Variants in ITPR2 observed in about 807,000 individuals in gnomAD.
ITPR2 encodes inositol 1,4,5-trisphosphate-gated calcium channel ITPR2.
In ITPR2, 207 loss-of-function variants were observed where a neutral mutation model predicts 317.1. The observed-to-expected ratio is 0.65, with a 90% confidence interval of 0.58 to 0.73. ITPR2 has a LOEUF of 0.73. Among genes scored for constraint, ITPR2 ranks in the 30% least tolerant of loss-of-function variants. The pLI is 0.00. For missense variants in ITPR2, 2,613 were observed against 3,284.0 expected (o/e 0.80, Z 4.99); for synonymous variants, 1,156 against 1,149.1 (o/e 1.01, Z -0.12).
At chr12:26,382,104 T>C (rs1021622870) in intron 55 of ITPR2, among the ~76,000 whole-genome samples, 1 of 152,224 alleles carries the variant, frequency 6.6e-6, no homozygotes, top group Non-Finnish European at 1.5e-5. Context: ...CAGTATGGGA[T>C]GGAGGATTTA....
intron 45 of ITPR2, among the ~76,000 whole-genome samples, chr12:26,447,814 A>C (rs990428695): frequency 4.6e-5 from 7 of 152,038 alleles, no homozygotes; most frequent in African/African-American, 1.7e-4. Flanking sequence ...TGTCTTAGAG[A>C]CCAATTAACA....
intron 2 of ITPR2, among the ~76,000 whole-genome samples, chr12:26,749,739 TA>T (rs1350897915): frequency 6.6e-6 from 1 of 152,226 alleles, no homozygotes; most frequent in African/African-American, 2.4e-5. Context: ...GTCCCCTATC[TA>T]TGACTTCCTA....
At chr12:26,339,808 G>T (rs1938045395) in intron 56 of ITPR2, among the ~76,000 whole-genome samples, 1 of 152,112 alleles carries the variant, frequency 6.6e-6, no homozygotes, top group Non-Finnish European at 1.5e-5. Context: ...TGATAAAGGG[G>T]TTCATTATAG....
chr12:26,552,740 T>C (rs539319189), intron 36 of ITPR2, among the ~76,000 whole-genome samples: 1 of 152,218 alleles, frequency 6.6e-6, no homozygotes, highest in African/African-American at 2.4e-5. Flanking sequence ...GGATACATAG[T>C]AGGCATATAC....
chr12:26,475,924 G>A (rs189122982), intron 44 of ITPR2, among the ~76,000 whole-genome samples: 234 of 152,308 alleles, frequency 1.5e-3, no homozygotes, highest in African/African-American at 5.4e-3. Context: ...AGCAAGAGGT[G>A]GAGGGTGGGC....
At chr12:26,808,649 C>A (rs1178245730) in intron 1 of ITPR2, among the ~76,000 whole-genome samples, 2 of 152,114 alleles carry the variant, frequency 1.3e-5, no homozygotes, top group Admixed American at 1.3e-4. Flanking sequence ...TGAAGACCCT[C>A]AAATATATGT....
At chr12:26,436,995 C>T (rs533793452) in intron 47 of ITPR2, among the ~76,000 whole-genome samples, 8 of 152,158 alleles carry the variant, frequency 5.3e-5, no homozygotes, top group African/African-American at 1.9e-4. Flanking sequence ...AAGTGGAACA[C>T]GCTTTGCTGC....
chr12:26,568,779 GACAGAGAATGGC>G (rs1422994048), intron 34 of ITPR2, among the ~76,000 whole-genome samples: 3 of 152,130 alleles, frequency 2.0e-5, no homozygotes, highest in Non-Finnish European at 4.4e-5. Context: ...GAATGGCAGG[GACAGAGAATGGC>G]ACATTTCCTG....
chr12:26,406,887 T>C (rs777811709), intron 52 of ITPR2, among the ~76,000 whole-genome samples: 1 of 152,136 alleles, frequency 6.6e-6, no homozygotes, highest in African/African-American at 2.4e-5. Context: ...ATACAAAAAG[T>C]GTATGGAAGA....
chr12:26,390,369 T>C (rs927827317), intron 54 of ITPR2, among the ~76,000 whole-genome samples: 1 of 152,204 alleles, frequency 6.6e-6, no homozygotes, highest in African/African-American at 2.4e-5. Flanking sequence ...TGTCAATTAA[T>C]TGATGAAAGG....
chr12:26,736,402 A>G (rs1402806045), intron 2 of ITPR2, among the ~76,000 whole-genome samples: 2 of 152,178 alleles, frequency 1.3e-5, no homozygotes, highest in Non-Finnish European at 2.9e-5. Context: ...TTTTTTTTAA[A>G]TCCAAACATC....
chr12:26,744,593 A>G (rs1949288327), intron 2 of ITPR2, among the ~76,000 whole-genome samples: 1 of 152,242 alleles, frequency 6.6e-6, no homozygotes, highest in Admixed American at 6.5e-5. Flanking sequence ...TCCTGAATCA[A>G]TGAACACAGA....
intron 34 of ITPR2, among the ~76,000 whole-genome samples, chr12:26,577,576 G>A (rs899957397): frequency 6.6e-6 from 1 of 152,044 alleles, no homozygotes; most frequent in Non-Finnish European, 1.5e-5. Flanking sequence ...GTGGTATACA[G>A]AAAGTCTGTT....
At position 26,659,269 on chromosome 12, in the gene ITPR2, T is replaced by C; in HGVS notation, c.1730A>G (p.Asn577Ser). 1.9e-6 allele frequency: 3 copies of C among 1,613,430 alleles called. No individual in the cohort carries two copies. Among genetic ancestry groups the C allele is most frequent in the Non-Finnish European group, 2.5e-6 (3 of 1,179,802 alleles). ...YRKNQEYIAK[N>S]FCVMQSQIGY... ...AATCTGGGACTGCATGACACAGAAA[T>C]TCTTAGCAATATATTCCTGCAAAGA... The change falls in exon 16 of 57, where the codon AAT (asparagine) becomes AGT (serine). Residue 577 changes from asparagine (N) to serine (S), a missense_variant. Transcript: ENST00000381340.
chr12:26,341,975 G>A (rs1938128164), intron 55 of ITPR2, among the ~76,000 whole-genome samples: 1 of 152,246 alleles, frequency 6.6e-6, no homozygotes, highest in South Asian at 2.1e-4. Flanking sequence ...CAGTGGCTGG[G>A]TAGGGAGACA....
intron 2 of ITPR2, among the ~76,000 whole-genome samples, chr12:26,775,233 C>G (rs1949938313): frequency 6.6e-6 from 1 of 151,912 alleles, no homozygotes; most frequent in African/African-American, 2.4e-5. Flanking sequence ...CAATACATAC[C>G]TTTTATTAAC....
At chr12:26,342,224 T>C (rs979224319) in intron 55 of ITPR2, among the ~76,000 whole-genome samples, 2 of 152,042 alleles carry the variant, frequency 1.3e-5, no homozygotes, top group Non-Finnish European at 2.9e-5. Flanking sequence ...GTGGTTGATG[T>C]GATGCATGTT....
At chr12:26,645,331 G>T (rs1355450563) in intron 21 of ITPR2, among the ~76,000 whole-genome samples, 1 of 152,228 alleles carries the variant, frequency 6.6e-6, no homozygotes, top group Non-Finnish European at 1.5e-5. Flanking sequence ...GGACAAGAAG[G>T]AAACCTACCA....
At chr12:26,369,561 G>A (rs1455504642) in intron 55 of ITPR2, among the ~76,000 whole-genome samples, 3 of 152,196 alleles carry the variant, frequency 2.0e-5, no homozygotes, top group Non-Finnish European at 4.4e-5. Flanking sequence ...TTCCAATTAA[G>A]TGCTTAAATT....
Sources: allele counts gnomAD v4.1 joint callset (sites outside exome capture counted in the v4.1 genomes callset), GRCh38; gene constraint gnomAD v4.1.1; transcripts MANE v1.5; gene names NCBI Gene and HGNC (gene_info 2026-07-23, HGNC 2026-07-21).